RPGRIP1L: variants seen among roughly 807,000 people sequenced by gnomAD.
The protein encoded by RPGRIP1L is RPGRIP1 like.
A neutral mutation model predicts 160.4 loss-of-function variants in RPGRIP1L; 131 were observed. The observed-to-expected ratio is 0.82, with a 90% CI of 0.71 to 0.94. RPGRIP1L has a LOEUF of 0.94. RPGRIP1L is among the 40% of genes least tolerant of loss of function. The pLI is 0.00. For synonymous variants in RPGRIP1L, 510 were observed against 515.8 expected (o/e 0.99, Z 0.15); for missense variants, 1,522 against 1,535.8 (o/e 0.99, Z 0.15).
intron 4 of RPGRIP1L, among the ~76,000 whole-genome samples, chr16:53,688,369 T>C (rs1024857953): frequency 1.3e-5 from 2 of 152,118 alleles, no homozygotes; most frequent in Non-Finnish European, 2.9e-5. Flanking sequence ...AAATTATTCA[T>C]ATTCCTTGCC....
chr16:53,688,003 AG>A, intron 4 of RPGRIP1L, 38 bp from the exon 5 acceptor site: 1 of 1,221,350 alleles, frequency 8.2e-7, no homozygotes, highest in South Asian at 1.2e-5. Flanking sequence ...ACAGAATTGA[AG>A]TTAGAAAAGA....
chr16:53,650,834 A>G (rs1047150430), intron 15 of RPGRIP1L, among the ~76,000 whole-genome samples: 2 of 151,084 alleles, frequency 1.3e-5, no homozygotes, highest in African/African-American at 4.9e-5. Flanking sequence ...ATCACTGGCC[A>G]CTCCTCAGTT....
At chr16:53,680,036 C>G (rs1026196053) in intron 6 of RPGRIP1L, among the ~76,000 whole-genome samples, 2 of 152,134 alleles carry the variant, frequency 1.3e-5, no homozygotes, top group East Asian at 1.9e-4. Context: ...CCTCTAAGAT[C>G]TTCCTAAGTT....
chr16:53,636,408 G>A (rs376584951), intron 22 of RPGRIP1L, 31 bp downstream of exon 22: 11 of 1,465,064 alleles, frequency 7.5e-6, no homozygotes, highest in South Asian at 1.1e-5. Flanking sequence ...CCTTATTTCA[G>A]AACATTTCTA....
At chr16:53,661,317 T>C (rs1389326957) in intron 10 of RPGRIP1L, among the ~76,000 whole-genome samples, 3 of 151,018 alleles carry the variant, frequency 2.0e-5, no homozygotes, top group African/African-American at 4.9e-5. Flanking sequence ...AAAAAGAATA[T>C]CCAAATGTGA....
In RPGRIP1L at chr16:53,605,562, A is replaced by T. The variant is rs1963629289; in HGVS notation, c.3754T>A (p.Cys1252Ser). 1 of 1,613,810 alleles carries T rather than the reference A, an allele frequency of 6.2e-7. No individual in the cohort carries two copies. Among genetic ancestry groups the T allele is most frequent in the African/African-American group, 1.3e-5 (1 of 74,882 alleles). The change falls in exon 26 of 27, where the codon TGT becomes AGT. Residue 1252 changes from cysteine to serine, a missense_variant. Transcript: ENST00000647211. ...DPPEDEQDLE[C>S]EDIGVAHVDL... is the part of the protein sequence containing the mutation. ...ACGTGAGCCACGCCAATGTCCTCAC[A>T]CTCCAGGTCCTGCTCGTCCTCTGGA...
chr16:53,657,432 C>T (rs1324346869), intron 13 of RPGRIP1L, 21 bp downstream of exon 13: 3 of 1,515,606 alleles, frequency 2.0e-6, no homozygotes, highest in Non-Finnish European at 9.1e-7. Context: ...CTTACTTTCC[C>T]CATTTAGTGT....
At chr16:53,654,655 A>G (rs972723547) in intron 14 of RPGRIP1L, among the ~76,000 whole-genome samples, 1 of 152,098 alleles carries the variant, frequency 6.6e-6, no homozygotes, top group Non-Finnish European at 1.5e-5. Flanking sequence ...AGTTTTTCCT[A>G]TTTGTATTCT....
intron 14 of RPGRIP1L, among the ~76,000 whole-genome samples, chr16:53,656,082 G>T (rs1680872608): frequency 6.6e-6 from 1 of 152,174 alleles, no homozygotes; most frequent in African/African-American, 2.4e-5. Context: ...ATTTGAGTTT[G>T]TAGTAATTTA....
chr16:53,700,377 T>C (rs936497446), intron 2 of RPGRIP1L, among the ~76,000 whole-genome samples: 1 of 152,194 alleles, frequency 6.6e-6, no homozygotes, highest in African/African-American at 2.4e-5. Context: ...TTTCTACTGA[T>C]GTGAGGAATT....
rs753856653 is a variant in RPGRIP1L, at chr16:53,619,121, C to T, written c.3520G>A (p.Val1174Ile). The T allele has an allele frequency of 1.9e-6, 3 of 1,614,118 alleles. No individual in the cohort carries two copies. Among genetic ancestry groups the T allele is most frequent in the Non-Finnish European group, 2.5e-6 (3 of 1,180,014 alleles). Residue 1174 changes from valine (V) to isoleucine (I), a missense_variant, in exon 24 of 27, where the codon GTT becomes ATT. Physicochemically the swap from Val to Ile is conservative, Grantham distance 29 (BLOSUM62 3). Coordinates refer to ENST00000647211, the MANE Select transcript of RPGRIP1L (RefSeq NM_015272.5). ...GGAAGACTGTAGAATCGACACTCAACAAACAGCCGTTGGATAGTGTCATCC... is the reference window on the plus strand; with the variant it reads ...GGAAGACTGTAGAATCGACACTCAATAAACAGCCGTTGGATAGTGTCATCC... Reference protein sequence around the residue: ...TMDDTIQRLFVECRFYSLPAE... With the variant: ...TMDDTIQRLFIECRFYSLPAE...
chr16:53,653,059 T>TACTCATTCTTACACTTCAAAA, intron 14 of RPGRIP1L, 72 bp from the exon 15 acceptor site: 1 of 1,261,678 alleles, frequency 7.9e-7, no homozygotes, highest in Non-Finnish European at 1.1e-6. Context: ...GCTTTTGAAG[T>TACTCATTCTTACACTTCAAAA]GTAAGAATGA....
intron 25 of RPGRIP1L, among the ~76,000 whole-genome samples, chr16:53,609,224 G>A (rs898826721): frequency 6.6e-6 from 1 of 152,088 alleles, no homozygotes; most frequent in Non-Finnish European, 1.5e-5. Flanking sequence ...TAGTAGCTGG[G>A]ACTACTGGTG....
At chr16:53,655,610 G>A (rs1967186642) in intron 14 of RPGRIP1L, 1 of 152,206 alleles carries the variant, frequency 6.6e-6, no homozygotes, top group Non-Finnish European at 1.5e-5. Flanking sequence ...CTGAGTGCAT[G>A]AGAAGAAAAC....
chr16:53,609,578 TAA>T lies in RPGRIP1L; in HGVS notation c.3701+1387_3701+1388del, dbSNP rs1437976121. Among the ~76,000 whole-genome samples, 10 of 152,208 alleles carry T rather than the reference TAA, an allele frequency of 6.6e-5. No individual in the cohort carries two copies. The South Asian group carries it at 1.9e-3, about 28-fold the overall frequency. On this transcript the variant is annotated intron_variant, in intron 25 of 26. Coordinates refer to ENST00000647211, the MANE Select transcript of RPGRIP1L (RefSeq NM_015272.5). ...CAAAGCGAACACAGAGGCAGACAAA[TAA>T]GACTGAATAGGCTACTGAATCGCAG... is the stretch of plus-strand genomic sequence containing the variant.
rs753075262 is a variant in RPGRIP1L at position 53,641,284 on chromosome 16, C to G, written c.2874+1G>C. On this transcript the variant is annotated splice_donor_variant, in intron 18 of 26. Transcript: ENST00000647211. LOFTEE classifies it high-confidence loss of function. Reference sequence around the variant, plus strand: ...AAAAATTAAAAGTCACTGATACTCACTAAAACTAGTGTGCTAACAGAGGAT... The same window carrying G: ...AAAAATTAAAAGTCACTGATACTCAGTAAAACTAGTGTGCTAACAGAGGAT... 9.9e-6 allele frequency: 16 copies of G among 1,613,718 alleles called. No homozygotes were observed. The South Asian group carries it at 1.8e-4, about 18-fold the overall frequency.
intron 25 of RPGRIP1L, among the ~76,000 whole-genome samples, chr16:53,608,526 A>C (rs1963824520): frequency 6.6e-6 from 1 of 152,182 alleles, no homozygotes; most frequent in African/African-American, 2.4e-5. Flanking sequence ...TTGAAGGCAC[A>C]TTTCAATATG....
intron 4 of RPGRIP1L, 144 bp from the exon 5 acceptor site, chr16:53,688,109 C>A: frequency 1.6e-6 from 1 of 609,890 alleles, no homozygotes; most frequent in Non-Finnish European, 2.9e-6. Flanking sequence ...TATAAATACA[C>A]TGCCAAAGGG....
At chr16:53,604,260 A>G (rs1363852737) in intron 26 of RPGRIP1L, among the ~76,000 whole-genome samples, 1 of 152,226 alleles carries the variant, frequency 6.6e-6, no homozygotes, top group Non-Finnish European at 1.5e-5. Flanking sequence ...CTGACTTTTC[A>G]GCACTTGACA....
Sources: allele counts gnomAD v4.1 joint callset (sites outside exome capture counted in the v4.1 genomes callset), GRCh38; gene constraint gnomAD v4.1.1; transcripts MANE v1.5; gene names NCBI Gene and HGNC (gene_info 2026-07-23, HGNC 2026-07-21).